The following DHX37 variants were observed in gnomAD, a reference collection of about 807,000 sequenced individuals.
The protein encoded by DHX37 is DEAH-box helicase 37, also known as probable ATP-dependent RNA helicase DHX37.
Under a neutral mutation model 134.3 loss-of-function variants are expected in DHX37, and 52 were observed. The ratio of observed to expected loss-of-function variants is 0.39; its 90% CI spans 0.31 to 0.49. DHX37 has a LOEUF of 0.49. Ranked by LOEUF, DHX37 falls within the 20% of genes least tolerant of loss-of-function variation. DHX37 has a pLI of 0.93. For synonymous variants in DHX37, 634 were observed against 670.7 expected (o/e 0.95, Z 0.85); for missense variants, 1,344 against 1,580.8 (o/e 0.85, Z 2.54).
chr12:124,980,900 C>T lies in DHX37; in HGVS notation c.390-62G>A. 6.6e-7 allele frequency: 1 copy of T among 1,513,414 alleles called. No homozygotes were observed. The highest frequency in any genetic ancestry group is 8.8e-7 in the Non-Finnish European group (1 of 1,134,638). 93.7% of individuals were successfully genotyped at this position (1,513,414 alleles called of 1,614,324 possible). A position where few individuals can be genotyped will look rare whatever the true frequency, so the allele number is the denominator to read the frequency against. On this transcript the variant is annotated intron_variant, in intron 3 of 26. Transcript: ENST00000308736. This position sits in a 1 kb window ranked among gnomAD's most constrained non-coding sequence, Gnocchi z 5.3. ...CACCTCAATCCCAGAGGTCAGGACT[C>T]CAAGGCCATACCCCTTTCTGCCTCA...
At position 124,965,667 on chromosome 12, in the gene DHX37, C is replaced by T; in HGVS notation, c.1735+1G>A. 6.2e-7 allele frequency: 1 copy of T among 1,605,834 alleles called. No individual in the cohort carries two copies. The highest frequency in any genetic ancestry group is 8.5e-7 in the Non-Finnish European group (1 of 1,175,376). On this transcript the variant is annotated splice_donor_variant, in intron 13 of 26. Transcript: ENST00000308736. LOFTEE classifies it high-confidence loss of function. The stretch of plus-strand genomic sequence containing the variant: ...AGCAGGAATCGGTGCTCGGGCCACA[C>T]CTCCATCTTGCCCGCCATCCCCCAG...
chr12:124,960,522 C>A, intron 15 of DHX37, 99 bp from the exon 16 acceptor site: 1 of 1,518,474 alleles, frequency 6.6e-7, no homozygotes, highest in Non-Finnish European at 8.9e-7. Flanking sequence ...ACAAACAAAA[C>A]TCAGTCATGC....
chr12:124,954,277 A>G (rs372541666), intron 18 of DHX37, 66 bp from the exon 19 acceptor site: 22 of 1,510,650 alleles, frequency 1.5e-5, no homozygotes, highest in Non-Finnish European at 1.9e-5. Flanking sequence ...CAGCGGGGGG[A>G]ACTCCTTTAT....
intron 3 of DHX37, among the ~76,000 whole-genome samples, chr12:124,981,407 G>GAC (rs543059214): frequency 3.1e-4 from 47 of 152,310 alleles, no homozygotes; most frequent in African/African-American, 1.1e-3. Flanking sequence ...GCTTGGTGGG[G>GAC]ACACTGCTGG....
At chr12:124,975,373 C>A in intron 6 of DHX37, 46 bp downstream of exon 6, 6 of 1,597,780 alleles carry the variant, frequency 3.8e-6, no homozygotes, top group Non-Finnish European at 5.1e-6. Flanking sequence ...CTGGGCAAGG[C>A]CACAGGACCA....
At position 124,960,435 on chromosome 12, in the gene DHX37, G is replaced by A. The variant is rs760175025; in HGVS notation, c.2046-12C>T. On this transcript the variant is annotated splice_polypyrimidine_tract_variant and intron_variant, in intron 15 of 26. Coordinates refer to ENST00000308736, the MANE Select transcript of DHX37 (RefSeq NM_032656.4). ...CAGATGAATACAGCCTGGATGGAGA[G>A]AAACCGGGACAACAAACACAAAACT... 3.7e-6 allele frequency: 6 copies of A among 1,605,326 alleles called. No homozygotes were observed. The Admixed American group carries it at 1.0e-4, about 27-fold the overall frequency.
chr12:124,987,292 G>A (rs183222129), intron 1 of DHX37, among the ~76,000 whole-genome samples: 262 of 152,314 alleles, frequency 1.7e-3, no homozygotes, highest in Middle Eastern at 0.017. Flanking sequence ...GCAGTGAGCA[G>A]AGATCACGCC....
chr12:124,960,568 G>A, intron 15 of DHX37, 145 bp from the exon 16 acceptor site: 1 of 1,356,010 alleles, frequency 7.4e-7, no homozygotes, highest in Non-Finnish European at 9.9e-7. Context: ...AGCAGGCACG[G>A]TGCTTTACCG....
chr12:124,952,711 G>A, intron 20 of DHX37, 141 bp from the exon 21 acceptor site: 3 of 821,198 alleles, frequency 3.7e-6, no homozygotes, highest in Non-Finnish European at 3.4e-6. Context: ...GAGGCCACCA[G>A]CAGGACCCAA....
chr12:124,954,259 C>A, intron 18 of DHX37, 48 bp from the exon 19 acceptor site: 1 of 1,521,590 alleles, frequency 6.6e-7, no homozygotes, highest in South Asian at 1.3e-5. Flanking sequence ...CGGCTGCGCT[C>A]AGGGCCTCAG....
Position 124,972,616 on chromosome 12 carries a change from C to A in DHX37, c.981-17G>T. The A allele has an allele frequency of 6.2e-7, 1 of 1,613,604 alleles. No individual in the cohort carries two copies. The highest frequency in any genetic ancestry group is 1.1e-5 in the South Asian group (1 of 91,068). On this transcript the variant is annotated splice_polypyrimidine_tract_variant and intron_variant, in intron 6 of 26. Coordinates refer to ENST00000308736, the MANE Select transcript of DHX37 (RefSeq NM_032656.4). ...GAGACGACCCTGTATGGGCAGAGTT[C>A]GGGTTAGGGCAGAGCCGTGCCTGGC...
chr12:124,951,769 C>G (rs1336525509), intron 21 of DHX37, among the ~76,000 whole-genome samples: 1 of 152,016 alleles, frequency 6.6e-6, no homozygotes, highest in African/African-American at 2.4e-5. Flanking sequence ...GCCAGGAGTT[C>G]AAGACCAGCC....
chr12:124,961,252 G>GCACGCACACCCATACACGCGTGCACA (rs1566332384), intron 15 of DHX37, among the ~76,000 whole-genome samples: 3 of 106,824 alleles, frequency 2.8e-5, no homozygotes, highest in African/African-American at 2.1e-4. Context: ...ACGCGTGCAC[G>GCACGCACACCCATACACGCGTGCACA]CACGCACACA....
chr12:124,952,888 T>C (rs535730044), intron 20 of DHX37: 4 of 196,544 alleles, frequency 2.0e-5, no homozygotes, highest in Non-Finnish European at 4.1e-5. Flanking sequence ...AAGAAGGAAG[T>C]TGCGGCTGGA....
At chr12:124,965,901 G>T in intron 12 of DHX37, 89 bp from the exon 13 acceptor site, 1 of 1,522,192 alleles carries the variant, frequency 6.6e-7, no homozygotes, top group Non-Finnish European at 8.9e-7. Context: ...CCCTCGCATG[G>T]AAGCCCCGGT....
intron 18 of DHX37, 44 bp from the exon 19 acceptor site, chr12:124,954,255 C>A: frequency 6.6e-7 from 1 of 1,522,528 alleles, no homozygotes; most frequent in Non-Finnish European, 8.8e-7. Flanking sequence ...GCCTCGGCTG[C>A]GCTCAGGGCC....
In DHX37 at chr12:124,957,201, C is replaced by T. The variant is rs545669839; in HGVS notation, c.2158-66G>A. 1.4e-5 allele frequency: 19 copies of T among 1,395,110 alleles called. No homozygotes were observed. The African/African-American group carries it at 2.6e-4, about 19-fold the overall frequency. 86.4% of individuals were successfully genotyped at this position (1,395,110 alleles called of 1,614,324 possible). ...AAGAACAAGTCCGGTGCTCCTGCTCCGTCTGTGGCAGGCACTCCCTCCAAC... is the reference window on the plus strand; with the variant it reads ...AAGAACAAGTCCGGTGCTCCTGCTCTGTCTGTGGCAGGCACTCCCTCCAAC... On this transcript the variant is annotated intron_variant, in intron 16 of 26. Coordinates refer to ENST00000308736, the MANE Select transcript of DHX37 (RefSeq NM_032656.4).
chr12:124,972,383 G>T, intron 7 of DHX37, 120 bp downstream of exon 7: 1 of 986,628 alleles, frequency 1.0e-6, no homozygotes, highest in Non-Finnish European at 1.6e-6. Context: ...TCACACAGCA[G>T]CACCGTGGGA....
At chr12:124,970,944 G>A (rs954017750) in intron 8 of DHX37, among the ~76,000 whole-genome samples, 1 of 152,246 alleles carries the variant, frequency 6.6e-6, no homozygotes, top group Non-Finnish European at 1.5e-5. Context: ...GCCCTTGGCT[G>A]GGCAGGCCCA....
Sources: allele counts gnomAD v4.1 joint callset (sites outside exome capture counted in the v4.1 genomes callset), GRCh38; gene constraint gnomAD v4.1.1; non-coding constraint Gnocchi (gnomAD v3.1); transcripts MANE v1.5; gene names NCBI Gene and HGNC (gene_info 2026-07-23, HGNC 2026-07-21).